EPHA6: variants seen among roughly 807,000 people sequenced by gnomAD.
EPHA6 encodes the protein ephrin type-A receptor 6.
EPHA6 carries 50 observed loss-of-function variants against 112.0 expected under a neutral mutation model. The observed-to-expected ratio is 0.45, with a 90% CI of 0.36 to 0.56. The LOEUF (loss-of-function observed/expected upper bound fraction) is 0.56. Ranked by LOEUF, EPHA6 falls within the 20% of genes least tolerant of loss-of-function variation. The pLI, the probability that EPHA6 is intolerant of heterozygous loss-of-function variation, is 0.00. For synonymous variants in EPHA6, 529 were observed against 490.7 expected (o/e 1.08, Z -1.03); for missense variants, 1,280 against 1,417.4 (o/e 0.90, Z 1.56).
chr3:96,919,149 AGT>A (rs1209306322), intron 2 of EPHA6, among the ~76,000 whole-genome samples: 2 of 151,918 alleles, frequency 1.3e-5, no homozygotes, highest in Non-Finnish European at 2.9e-5. Context: ...GCTTTTAATA[AGT>A]GTGTAATGGA....
chr3:97,429,650 T>C (rs1237607223), intron 6 of EPHA6, among the ~76,000 whole-genome samples: 3 of 152,178 alleles, frequency 2.0e-5, no homozygotes, highest in Non-Finnish European at 4.4e-5. Context: ...TCAGAGTCCT[T>C]AGTTTTACCA....
intron 2 of EPHA6, among the ~76,000 whole-genome samples, chr3:96,888,423 TG>T (rs1224384450): frequency 6.6e-6 from 1 of 152,100 alleles, no homozygotes; most frequent in African/African-American, 2.4e-5. Flanking sequence ...GGGGGTCACC[TG>T]GGTCCTGCAG....
At chr3:96,865,964 GT>G (rs2036286798) in intron 1 of EPHA6, among the ~76,000 whole-genome samples, 1 of 151,800 alleles carries the variant, frequency 6.6e-6, no homozygotes, top group South Asian at 2.1e-4. Context: ...CTTTCCCCAA[GT>G]AGTCTCCACC....
At chr3:97,433,534 A>T (rs767251549) in intron 6 of EPHA6, among the ~76,000 whole-genome samples, 22 of 152,280 alleles carry the variant, frequency 1.4e-4, no homozygotes, top group Admixed American at 2.6e-4. Context: ...CATGCAAGGA[A>T]AGCAATCCTC....
chr3:97,252,633 G>A (rs1196865055), intron 5 of EPHA6, among the ~76,000 whole-genome samples: 1 of 152,160 alleles, frequency 6.6e-6, no homozygotes, highest in South Asian at 2.1e-4. Flanking sequence ...GGGATTGGAA[G>A]ACTGCATGGC....
At chr3:97,609,402 T>C (rs2093701704) in intron 12 of EPHA6, among the ~76,000 whole-genome samples, 1 of 151,436 alleles carries the variant, frequency 6.6e-6, no homozygotes, top group Admixed American at 6.6e-5. Context: ...AAAACCTGAA[T>C]TTTCTAGATC....
intron 10 of EPHA6, among the ~76,000 whole-genome samples, chr3:97,531,781 ATCT>A (rs2092697942): frequency 6.6e-6 from 1 of 152,084 alleles, no homozygotes; most frequent in Non-Finnish European, 1.5e-5. Context: ...GCTGAAACAT[ATCT>A]CATCTTCCTT....
At chr3:97,009,240 G>A (rs532346556) in intron 3 of EPHA6, among the ~76,000 whole-genome samples, 7 of 152,246 alleles carry the variant, frequency 4.6e-5, no homozygotes, top group East Asian at 1.9e-4. Context: ...TACAGAGACC[G>A]TTGGCCACTC....
At chr3:97,665,423 G>T (rs1393866621) in intron 14 of EPHA6, among the ~76,000 whole-genome samples, 1 of 152,164 alleles carries the variant, frequency 6.6e-6, no homozygotes, top group Non-Finnish European at 1.5e-5. Flanking sequence ...AGGACTTCAT[G>T]TCAAAATAGT....
intron 1 of EPHA6, among the ~76,000 whole-genome samples, chr3:96,831,399 A>G (rs1199017215): frequency 6.6e-6 from 1 of 152,068 alleles, no homozygotes; most frequent in Non-Finnish European, 1.5e-5. Context: ...TCCAATTCGC[A>G]TCTATTACAG....
chr3:96,973,185 T>A (rs1362224032), intron 2 of EPHA6, among the ~76,000 whole-genome samples: 3 of 152,134 alleles, frequency 2.0e-5, no homozygotes, highest in Admixed American at 2.0e-4. Context: ...TTTTAGAGAA[T>A]CCTCAGGCAT....
chr3:96,983,411 C>T (rs6809778), intron 2 of EPHA6, among the ~76,000 whole-genome samples: 2,006 of 152,228 alleles, frequency 0.013, 48 homozygotes, highest in African/African-American at 0.044. Flanking sequence ...AGAGTTTCTG[C>T]GGAGAGATCA....
At chr3:96,859,906 TG>T (rs1374837060) in intron 1 of EPHA6, among the ~76,000 whole-genome samples, 1 of 152,152 alleles carries the variant, frequency 6.6e-6, no homozygotes, top group Non-Finnish European at 1.5e-5. Flanking sequence ...AGTCATTTTT[TG>T]TCTGCACCTT....
intron 13 of EPHA6, among the ~76,000 whole-genome samples, chr3:97,629,982 T>C (rs1217793744): frequency 6.6e-6 from 1 of 152,034 alleles, no homozygotes; most frequent in Admixed American, 6.6e-5. Flanking sequence ...TAAGCAGAAG[T>C]TATTTTGAAC....
chr3:97,142,483 T>C (rs555074129), intron 3 of EPHA6, among the ~76,000 whole-genome samples: 1 of 151,950 alleles, frequency 6.6e-6, no homozygotes, highest in Admixed American at 6.6e-5. Flanking sequence ...TCACAAATGA[T>C]AAAAGTGACA....
chr3:97,428,918 CTTT>C (rs1401099866), intron 6 of EPHA6, among the ~76,000 whole-genome samples: 11 of 152,288 alleles, frequency 7.2e-5, no homozygotes, highest in Non-Finnish European at 1.0e-4. Context: ...AATCCTCCTT[CTTT>C]AACTCTCTCT....
chr3:97,088,370 C>A (rs890735358), intron 3 of EPHA6, among the ~76,000 whole-genome samples: 1 of 152,066 alleles, frequency 6.6e-6, no homozygotes, highest in Non-Finnish European at 1.5e-5. Context: ...AACTTTTTGG[C>A]AAATACTGAG....
At chr3:97,008,702 TG>T (rs375621826) in intron 3 of EPHA6, among the ~76,000 whole-genome samples, 2 of 152,180 alleles carry the variant, frequency 1.3e-5, no homozygotes, top group African/African-American at 4.8e-5. Context: ...TCTGGCCTTT[TG>T]GGTTTTCAGC....
chr3:97,128,872 C>CTTTTTTTTTTTTTTTT (rs377407255), intron 3 of EPHA6, among the ~76,000 whole-genome samples: 3 of 117,528 alleles, frequency 2.6e-5, no homozygotes, highest in African/African-American at 9.9e-5. Flanking sequence ...ATTTTTATGT[C>CTTTTTTTTTTTTTTTT]TTTTTTTTTT....
Sources: allele counts gnomAD v4.1 joint callset (sites outside exome capture counted in the v4.1 genomes callset), GRCh38; gene constraint gnomAD v4.1.1; transcripts MANE v1.5; gene names NCBI Gene and HGNC (gene_info 2026-07-23, HGNC 2026-07-21).